Variants in SPANXN2 observed in about 807,000 individuals in gnomAD.
SPANXN2 encodes the protein SPANX family member N2, also known as sperm protein associated with the nucleus on the X chromosome N2.
In SPANXN2, 1 loss-of-function variant was observed where a neutral mutation model predicts 2.0. The observed-to-expected ratio is 0.50, with a 90% CI of 0.18 to 2.36. The LOEUF (loss-of-function observed/expected upper bound fraction) is 2.36, where lower values mean the gene tolerates loss of function less well. Ranked by LOEUF, SPANXN2 falls within the 30% of genes most tolerant of loss-of-function variation. The pLI is 0.26. For missense variants in SPANXN2, 88 were observed against 116.7 expected, an observed-to-expected ratio of 0.75 and a Z score of 1.13; for synonymous variants, 43 against 49.8, an observed-to-expected ratio of 0.86 and a Z score of 0.58.
At chrX:143,718,410 G>A (rs1263085000) in intron 1 of SPANXN2, among the ~76,000 whole-genome samples, 1 of 111,319 alleles carries the variant, frequency 9.0e-6, no homozygotes, top group Non-Finnish European at 1.9e-5. Flanking sequence ...TACAACCAGC[G>A]GGCTGGGTCT....
chrX:143,712,872 C>T (rs1312950950), intron 1 of SPANXN2, among the ~76,000 whole-genome samples: 2 of 111,377 alleles, frequency 1.8e-5, no homozygotes, highest in Non-Finnish European at 3.8e-5. Context: ...TTCTAAGGAA[C>T]GCCACAATGA....
intron 1 of SPANXN2, among the ~76,000 whole-genome samples, chrX:143,713,479 C>T (rs1405609371): frequency 9.0e-6 from 1 of 111,573 alleles, no homozygotes; most frequent in Admixed American, 9.5e-5. Flanking sequence ...TCTGCCCGTT[C>T]TCCAAAAAAT....
At chrX:143,719,125 C>G (rs185639015) in intron 1 of SPANXN2, among the ~76,000 whole-genome samples, 3 of 110,823 alleles carry the variant, frequency 2.7e-5, no homozygotes, top group African/African-American at 9.9e-5. Flanking sequence ...TTTCCCCCCC[C>G]ACCAATCCAT....
intron 1 of SPANXN2, among the ~76,000 whole-genome samples, chrX:143,714,803 G>A (rs1319451879): frequency 8.9e-6 from 1 of 111,771 alleles, no homozygotes; most frequent in Non-Finnish European, 1.9e-5. Context: ...AATCAAAGTG[G>A]CCTTCAAGAT....
Position 143,713,508 on chromosome X carries a change from G to A in SPANXN2, c.79-1009C>T. On this transcript the variant is annotated intron_variant, in intron 1 of 1. Coordinates refer to ENST00000598475, the Ensembl canonical transcript of SPANXN2. ...AAAAAATTCCAGTGCTGGGTGAGAG[G>A]TCTCCCCAGTCACCAGGTGACTGCA... 2.7e-5 allele frequency among the ~76,000 whole-genome samples: 3 copies of A among 111,145 alleles called. No homozygotes were observed. In the South Asian group the frequency reaches 1.2e-3, roughly 43 times the overall value.
intron 1 of SPANXN2, among the ~76,000 whole-genome samples, chrX:143,716,251 C>G (rs1465084506): frequency 9.0e-6 from 1 of 111,097 alleles, no homozygotes; most frequent in Non-Finnish European, 1.9e-5. Flanking sequence ...TCTCAGGTAC[C>G]CAAATCAAAG....
chrX:143,720,218 C>T (rs1189122865), intron 1 of SPANXN2, among the ~76,000 whole-genome samples: 5 of 111,094 alleles, frequency 4.5e-5, no homozygotes, highest in Non-Finnish European at 9.4e-5. Flanking sequence ...GGGGTTCGGG[C>T]CATGAGAAAA....
At chrX:143,715,603 A>C (rs1409145598) in intron 1 of SPANXN2, among the ~76,000 whole-genome samples, 2 of 104,997 alleles carry the variant, frequency 1.9e-5, no homozygotes, top group African/African-American at 3.4e-5. Flanking sequence ...AGTTAAAATA[A>C]CCCTTCAAAA....
chrX:143,713,536 CT>C (rs1556448922), intron 1 of SPANXN2, among the ~76,000 whole-genome samples: 1 of 111,452 alleles, frequency 9.0e-6, no homozygotes, highest in African/African-American at 3.3e-5. Flanking sequence ...TGACTGCAGC[CT>C]CCCTTCTTAG....
At chrX:143,720,058 A>G (rs782503567) in intron 1 of SPANXN2, among the ~76,000 whole-genome samples, 191 of 110,826 alleles carry the variant, frequency 1.7e-3, no homozygotes, top group South Asian at 0.016. Flanking sequence ...CCCTGATTAC[A>G]GCTCCCCTAT....
intron 1 of SPANXN2, among the ~76,000 whole-genome samples, chrX:143,715,462 C>T (rs1349134237): frequency 2.7e-5 from 3 of 110,182 alleles, no homozygotes; most frequent in African/African-American, 9.9e-5. Context: ...CAATTCTACC[C>T]CTTTTATTTT....
chrX:143,718,257 C>T (rs1932303224), intron 1 of SPANXN2, among the ~76,000 whole-genome samples: 1 of 111,655 alleles, frequency 9.0e-6, no homozygotes, highest in African/African-American at 3.3e-5. Context: ...CATTTATCCT[C>T]CAGAATCTCC....
At chrX:143,713,249 G>A (rs781841409) in intron 1 of SPANXN2, among the ~76,000 whole-genome samples, 11 of 111,640 alleles carry the variant, frequency 9.9e-5, no homozygotes, top group Non-Finnish European at 1.9e-4. Context: ...GATCCTGAGT[G>A]TACTCCCTGT....
At chrX:143,712,523 C>T (rs376392765) in intron 1 of SPANXN2, 24 bp from the exon 2 acceptor site, 25 of 1,186,539 alleles carry the variant, frequency 2.1e-5, no homozygotes, top group Non-Finnish European at 2.7e-5. Context: ...AGGGAGAGGC[C>T]AGAAAGTCAT....
At chrX:143,712,004 G>T in exon 2 of SPANXN2, 2 of 1,211,658 alleles carry the variant, frequency 1.7e-6, no homozygotes, top group Non-Finnish European at 2.2e-6. Flanking sequence ...TGGTAGTGAG[G>T]ATTTGTCCAA....
At chrX:143,714,554 G>A (rs1932225808) in intron 1 of SPANXN2, among the ~76,000 whole-genome samples, 2 of 111,776 alleles carry the variant, frequency 1.8e-5, no homozygotes, top group South Asian at 7.4e-4. Context: ...GGCAACTTCA[G>A]TAGACAGACA....
At chrX:143,720,645 G>A (rs1252418463) in exon 1 of SPANXN2, 1 of 1,210,900 alleles carries the variant, frequency 8.3e-7, no homozygotes, top group Admixed American at 2.2e-5. Flanking sequence ...TCTCCCCATT[G>A]GTGCTTGAAG....
exon 2 of SPANXN2, chrX:143,712,113 G>A (rs1932168899): frequency 2.5e-6 from 3 of 1,209,991 alleles, no homozygotes; most frequent in African/African-American, 3.5e-5. Flanking sequence ...CTTCAGGTGG[G>A]TCCAGGTCTT....
chrX:143,714,671 A>G (rs1314632255), intron 1 of SPANXN2, among the ~76,000 whole-genome samples: 9 of 111,993 alleles, frequency 8.0e-5, no homozygotes, highest in African/African-American at 2.9e-4. Flanking sequence ...TGCCACCTTA[A>G]GCCCTAATAC....
Sources: allele counts gnomAD v4.1 joint callset (sites outside exome capture counted in the v4.1 genomes callset), GRCh38; gene constraint gnomAD v4.1.1; transcripts MANE v1.5; gene names NCBI Gene and HGNC (gene_info 2026-07-23, HGNC 2026-07-21).